Variants in CNTNAP2 observed in about 807,000 individuals in gnomAD.
The protein encoded by CNTNAP2 is contactin associated protein 2, also known as contactin-associated protein-like 2.
A neutral mutation model predicts 155.2 loss-of-function variants in CNTNAP2; 98 were observed. The observed-to-expected ratio is 0.63, with a 90% CI of 0.54 to 0.75. The LOEUF is 0.75. Ranked by LOEUF, CNTNAP2 falls within the 30% of genes least tolerant of loss-of-function variation. CNTNAP2 has a pLI of 0.00. For missense variants in CNTNAP2, 1,727 were observed against 1,688.1 expected (o/e 1.02, Z -0.40); for synonymous variants, 651 against 631.2 (o/e 1.03, Z -0.47).
chr7:147,227,966 G>A (rs563726339), intron 8 of CNTNAP2, among the ~76,000 whole-genome samples: 10 of 152,088 alleles, frequency 6.6e-5, no homozygotes, highest in Admixed American at 5.9e-4. Context: ...AATATTAATC[G>A]GTTGGTGAGA....
At chr7:148,072,347 A>T (rs1008192819) in intron 15 of CNTNAP2, among the ~76,000 whole-genome samples, 31 of 152,168 alleles carry the variant, frequency 2.0e-4, no homozygotes, top group Non-Finnish European at 4.0e-4. Context: ...TTTTTGAGCC[A>T]TGTGGTGTCG....
intron 11 of CNTNAP2, among the ~76,000 whole-genome samples, chr7:147,487,191 A>G (rs1317131217): frequency 6.6e-6 from 1 of 152,154 alleles, no homozygotes; most frequent in Non-Finnish European, 1.5e-5. Context: ...AGTTGCACAC[A>G]TTTATTTGTT....
At chr7:146,559,816 T>G (rs1798253259) in intron 1 of CNTNAP2, among the ~76,000 whole-genome samples, 1 of 150,828 alleles carries the variant, frequency 6.6e-6, no homozygotes, top group African/African-American at 2.4e-5. Flanking sequence ...AAATAAGTTT[T>G]ATTTGATGAA....
intron 5 of CNTNAP2, among the ~76,000 whole-genome samples, chr7:147,108,650 T>C (rs1584848615): frequency 6.6e-6 from 1 of 152,316 alleles, no homozygotes; most frequent in South Asian, 2.1e-4. Flanking sequence ...CCATATAGCA[T>C]TTATTATTCT....
intron 13 of CNTNAP2, among the ~76,000 whole-genome samples, chr7:147,702,061 T>TG (rs201747915): frequency 0.027 from 4,110 of 150,526 alleles, 84 homozygotes; most frequent in Middle Eastern, 0.1. Flanking sequence ...GTTGGTTTTT[T>TG]TTTTTTTTTT....
intron 3 of CNTNAP2, among the ~76,000 whole-genome samples, chr7:146,968,708 T>G (rs1674969574): frequency 6.6e-6 from 1 of 152,030 alleles, no homozygotes; most frequent in South Asian, 2.1e-4. Context: ...TCTTTTCTTC[T>G]TTATTAGTCT....
intron 1 of CNTNAP2, among the ~76,000 whole-genome samples, chr7:146,344,363 A>G (rs1438982100): frequency 6.6e-6 from 1 of 152,248 alleles, no homozygotes; most frequent in Non-Finnish European, 1.5e-5. Context: ...TGTAAAAAAC[A>G]TAGTTGAAAT....
chr7:146,812,731 G>T (rs908856670), intron 2 of CNTNAP2, among the ~76,000 whole-genome samples: 1 of 152,124 alleles, frequency 6.6e-6, no homozygotes, highest in African/African-American at 2.4e-5. Flanking sequence ...CTAAGACAAT[G>T]GGGAAAATAT....
At chr7:147,992,882 T>C (rs1801738917) in intron 15 of CNTNAP2, among the ~76,000 whole-genome samples, 1 of 152,258 alleles carries the variant, frequency 6.6e-6, no homozygotes, top group African/African-American at 2.4e-5. Flanking sequence ...ATGTATTAAG[T>C]ATTCCTTAAT....
At chr7:147,439,472 T>C (rs1797603574) in intron 10 of CNTNAP2, among the ~76,000 whole-genome samples, 1 of 152,022 alleles carries the variant, frequency 6.6e-6, no homozygotes. Flanking sequence ...ATTTTTTTAA[T>C]GTTGTGAGCC....
chr7:146,569,143 A>G (rs1438896160), intron 1 of CNTNAP2, among the ~76,000 whole-genome samples: 2 of 151,986 alleles, frequency 1.3e-5, no homozygotes, highest in Admixed American at 6.6e-5. Context: ...CAGCCTCCCA[A>G]GTAGCTGGGA....
intron 8 of CNTNAP2, among the ~76,000 whole-genome samples, chr7:147,157,602 A>G (rs969426882): frequency 1.3e-5 from 2 of 152,064 alleles, no homozygotes; most frequent in African/African-American, 4.8e-5. Flanking sequence ...AATACTGTGC[A>G]ATGGTATTAT....
At chr7:146,972,193 A>T (rs924147486) in intron 3 of CNTNAP2, among the ~76,000 whole-genome samples, 1 of 152,214 alleles carries the variant, frequency 6.6e-6, no homozygotes, top group Admixed American at 6.5e-5. Flanking sequence ...AAACACAAGT[A>T]TCAAGTCAAC....
intron 4 of CNTNAP2, among the ~76,000 whole-genome samples, chr7:147,103,698 C>T (rs1220673817): frequency 2.7e-5 from 4 of 150,666 alleles, no homozygotes; most frequent in African/African-American, 9.7e-5. Flanking sequence ...TTCCTTTTTT[C>T]TCTAAAAATC....
intron 1 of CNTNAP2, among the ~76,000 whole-genome samples, chr7:146,754,820 C>T (rs895682809): frequency 7.2e-5 from 11 of 151,960 alleles, no homozygotes; most frequent in South Asian, 4.1e-4. Flanking sequence ...TGCAGTTTTC[C>T]GGAAACCACA....
chr7:146,604,942 G>T (rs1391352321), intron 1 of CNTNAP2, among the ~76,000 whole-genome samples: 1 of 99,110 alleles, frequency 1.0e-5, no homozygotes, highest in East Asian at 3.7e-4. Context: ...GGGGAGGGGG[G>T]AGGGATAGCA....
chr7:148,378,641 G>A (rs2116649518), intron 21 of CNTNAP2, among the ~76,000 whole-genome samples: 1 of 67,068 alleles, frequency 1.5e-5, no homozygotes, highest in Non-Finnish European at 4.2e-5. Context: ...ATACTACCAT[G>A]AAATGAAATG....
At position 146,479,879 on chromosome 7, in the gene CNTNAP2, T is replaced by C. The variant is rs1796933901; in HGVS notation, c.98-294392T>C. Among the ~76,000 whole-genome samples the C allele has an allele frequency of 2.6e-5, 4 of 152,082 alleles. No individual in the cohort carries two copies. In the South Asian group the frequency reaches 8.3e-4, roughly 32 times the overall value. On this transcript the variant is annotated intron_variant, in intron 1 of 23. Transcript: ENST00000361727. ...AGCTCACTGCAACCTCTGCCTCCCG[T>C]GTTCAAACGATTCTTCTGCCTCATC...
At chr7:146,795,621 A>T (rs751016644) in intron 2 of CNTNAP2, among the ~76,000 whole-genome samples, 1 of 152,202 alleles carries the variant, frequency 6.6e-6, no homozygotes, top group Non-Finnish European at 1.5e-5. Flanking sequence ...TTATATGCCT[A>T]CATCTATCAG....
Sources: gnomAD v4.1 joint callset for allele counts (sites outside exome capture counted in the v4.1 genomes callset) on GRCh38, gnomAD v4.1.1 for gene constraint, MANE v1.5 for transcripts, NCBI Gene and HGNC (gene_info 2026-07-23, HGNC 2026-07-21) for gene names.